Variants in CDK13 observed in about 807,000 individuals in gnomAD.
The protein encoded by CDK13 is cyclin dependent kinase 13.
CDK13 carries 40 observed loss-of-function variants against 137.6 expected under a neutral mutation model. The observed-to-expected ratio is 0.29, with a 90% confidence interval of 0.23 to 0.38. The LOEUF is 0.38. Among genes scored for constraint, CDK13 ranks in the 10% least tolerant of loss-of-function variants. The pLI, the probability that CDK13 is intolerant of heterozygous loss-of-function variation, is 1.00. For synonymous variants in CDK13, 869 were observed against 760.1 expected (o/e 1.14, Z -2.36); for missense variants, 1,704 against 1,951.8 (o/e 0.87, Z 2.39).
At chr7:40,051,974 G>A (rs10277853) in intron 7 of CDK13, among the ~76,000 whole-genome samples, 40,511 of 151,928 alleles carry the variant, frequency 0.27, 6,522 homozygotes, top group Middle Eastern at 0.45. Context: ...TTTAGTATAT[G>A]GTTTTTTAAG....
intron 5 of CDK13, among the ~76,000 whole-genome samples, chr7:40,020,084 T>A (rs528581518): frequency 6.6e-6 from 1 of 152,314 alleles, no homozygotes; most frequent in East Asian, 1.9e-4. Context: ...TTTATTTTTT[T>A]TGAGACCGGG....
chr7:40,024,114 C>G (rs1327410780), intron 5 of CDK13, among the ~76,000 whole-genome samples: 5 of 152,178 alleles, frequency 3.3e-5, no homozygotes, highest in Non-Finnish European at 7.3e-5. Flanking sequence ...AGTAATATTT[C>G]TCTTTCCTAC....
intron 5 of CDK13, among the ~76,000 whole-genome samples, chr7:40,040,439 T>G (rs1332148568): frequency 2.6e-5 from 4 of 152,252 alleles, no homozygotes; most frequent in Admixed American, 2.6e-4. Context: ...TATACTGGTT[T>G]AATATCTGAT....
intron 5 of CDK13, among the ~76,000 whole-genome samples, chr7:40,029,790 C>T (rs561768058): frequency 6.6e-6 from 1 of 152,028 alleles, no homozygotes; most frequent in Non-Finnish European, 1.5e-5. Flanking sequence ...GTAGCTGGGA[C>T]TACAGGCTTG....
intron 4 of CDK13, among the ~76,000 whole-genome samples, chr7:40,001,372 C>T (rs1051383370): frequency 4.6e-5 from 7 of 151,982 alleles, no homozygotes; most frequent in African/African-American, 7.2e-5. Context: ...AGGTTACAGG[C>T]GCCCAGCTAA....
At chr7:39,994,572 G>A (rs1373032308) in intron 2 of CDK13, among the ~76,000 whole-genome samples, 3 of 152,138 alleles carry the variant, frequency 2.0e-5, no homozygotes, top group Admixed American at 1.3e-4. Flanking sequence ...TTAGTGATGC[G>A]TAAATGGCTC....
chr7:40,055,277 T>C (rs1310885892), intron 7 of CDK13, among the ~76,000 whole-genome samples: 1 of 152,108 alleles, frequency 6.6e-6, no homozygotes. Flanking sequence ...TTTAGATTTT[T>C]CTTTTTTGTA....
In CDK13 at chr7:40,063,023, C is replaced by G; in HGVS notation, c.2703C>G (p.Gly901=). The G allele has an allele frequency of 1.9e-6, 3 of 1,613,222 alleles. No individual in the cohort carries two copies. The highest frequency in any genetic ancestry group is 2.5e-6 in the Non-Finnish European group (3 of 1,179,308). ...YTPAIDVWSC[G]CILGELFTKK... ...TAATGACGGGTATTTTTTCCATTAG[C>G]TGTATCCTTGGCGAACTCTTCACTA... Residue 901 remains glycine (G), a splice_region_variant and synonymous_variant, in exon 9 of 14, where the codon GGC becomes GGG. Coordinates refer to ENST00000181839, the MANE Select transcript of CDK13 (RefSeq NM_003718.5).
intron 1 of CDK13, chr7:39,986,036 G>T (rs540843227): frequency 1.1e-4 from 16 of 152,366 alleles, no homozygotes; most frequent in African/African-American, 3.8e-4. Flanking sequence ...ATATCTGTTG[G>T]GGTCAGCATC....
chr7:40,098,731 T>A lies in CDK13; in HGVS notation c.*3751T>A, dbSNP rs1387157279. On this transcript the variant is annotated 3_prime_UTR_variant, in exon 14 of 14. Coordinates refer to ENST00000181839, the MANE Select transcript of CDK13 (RefSeq NM_003718.5). ...CATACCTAAATTCTGCAGTAAATACTTAACTTTTTAATAGGGAAATTGCTT... is the reference window on the plus strand; with the variant it reads ...CATACCTAAATTCTGCAGTAAATACATAACTTTTTAATAGGGAAATTGCTT... 6.6e-6 allele frequency: 1 copy of A among 152,118 alleles called. No homozygotes were observed. The highest frequency in any genetic ancestry group is 1.5e-5 in the Non-Finnish European group (1 of 67,976). 9.4% of individuals were successfully genotyped at this position (152,118 alleles called of 1,614,324 possible). A position where few individuals can be genotyped will look rare whatever the true frequency, so the allele number is the denominator to read the frequency against.
chr7:40,079,187 G>A (rs931702859), intron 11 of CDK13, among the ~76,000 whole-genome samples: 1 of 152,096 alleles, frequency 6.6e-6, no homozygotes, highest in Non-Finnish European at 1.5e-5. Context: ...TTGGGAGGCC[G>A]AGGTGGGCGG....
rs1784094359 is a variant in CDK13, at chr7:39,975,872, T to TTTAAGCAAGGACATGGCATAA, written c.1212-11725_1212-11705dup. ...ATGCAGTTGGAAACCACTACAGAGTTTTAAGCAAGGACATGGCATAATCCA... is the reference window on the plus strand; with the variant it reads ...ATGCAGTTGGAAACCACTACAGAGTTTTAAGCAAGGACATGGCATAATTAAGCAAGGACATGGCATAATCCA... On this transcript the variant is annotated intron_variant, in intron 1 of 13. Coordinates refer to ENST00000181839, the MANE Select transcript of CDK13 (RefSeq NM_003718.5). 2.0e-5 allele frequency among the ~76,000 whole-genome samples: 3 copies of TTTAAGCAAGGACATGGCATAA among 152,258 alleles called. No individual in the cohort carries two copies. In the South Asian group the frequency reaches 6.2e-4, roughly 32 times the overall value.
At chr7:39,977,083 G>T (rs1784127668) in intron 1 of CDK13, among the ~76,000 whole-genome samples, 1 of 152,134 alleles carries the variant, frequency 6.6e-6, no homozygotes, top group Non-Finnish European at 1.5e-5. Flanking sequence ...TGCTTGTTTG[G>T]ATTTGGCTTC....
intron 1 of CDK13, among the ~76,000 whole-genome samples, chr7:39,979,796 G>A (rs1180710430): frequency 6.6e-6 from 1 of 152,130 alleles, no homozygotes; most frequent in Non-Finnish European, 1.5e-5. Flanking sequence ...TAATCACAAG[G>A]ATTTTTATAA....
At chr7:40,007,584 C>T (rs1036179166) in intron 5 of CDK13, among the ~76,000 whole-genome samples, 3 of 152,058 alleles carry the variant, frequency 2.0e-5, no homozygotes, top group Non-Finnish European at 1.5e-5. Flanking sequence ...CGCCACCACA[C>T]CCAGCTAATT....
chr7:40,094,265 T>G lies in CDK13; in HGVS notation c.3824T>G (p.Leu1275Arg), dbSNP rs1256377603. The G allele has an allele frequency of 6.2e-7, 1 of 1,612,742 alleles. No individual in the cohort carries two copies. Among genetic ancestry groups the G allele is most frequent in the Admixed American group, 1.7e-5 (1 of 59,822 alleles). The change falls in exon 14 of 14, where the codon CTA (leucine) becomes CGA (arginine). Residue 1275 changes from leucine (L) to arginine (R), a missense_variant. By Grantham distance (102) the Leu-to-Arg change is moderately radical. Coordinates refer to ENST00000181839, the MANE Select transcript of CDK13 (RefSeq NM_003718.5). ...CCACCACCAGTCACTGAGGAAGATC[T>G]AGATTATCGGACAGAAAACCAGCAT... is the stretch of plus-strand genomic sequence containing the variant. ...PEPPPVTEED[L>R]DYRTENQHVP...
At chr7:39,996,996 G>A (rs957072816) in intron 2 of CDK13, among the ~76,000 whole-genome samples, 3 of 122,324 alleles carry the variant, frequency 2.5e-5, no homozygotes, top group Non-Finnish European at 4.8e-5. Context: ...AAAGAAAAAT[G>A]CTTTGCAAAA....
chr7:40,098,623 T>A lies in CDK13; in HGVS notation c.*3643T>A, dbSNP rs1227910598. Reference sequence around the variant, plus strand: ...AAATTATCCAGTCGGTCTTCTTACTTTACAACTAAGAAAAATAAGGCTTAG... The same window carrying A: ...AAATTATCCAGTCGGTCTTCTTACTATACAACTAAGAAAAATAAGGCTTAG... On this transcript the variant is annotated 3_prime_UTR_variant, in exon 14 of 14. Coordinates refer to ENST00000181839, the MANE Select transcript of CDK13 (RefSeq NM_003718.5). 1 of 151,992 alleles carries A rather than the reference T, an allele frequency of 6.6e-6. No individual in the cohort carries two copies. Among genetic ancestry groups the A allele is most frequent in the Non-Finnish European group, 1.5e-5 (1 of 67,952 alleles). The allele number at this position is 151,992 out of a possible 1,614,324, so 9.4% of individuals were successfully genotyped here.
intron 5 of CDK13, among the ~76,000 whole-genome samples, chr7:40,008,272 A>T (rs1234101547): frequency 6.6e-6 from 1 of 152,212 alleles, no homozygotes; most frequent in Non-Finnish European, 1.5e-5. Context: ...CTTTAACTGC[A>T]CTATTCATGT....
Sources: gnomAD v4.1 joint callset for allele counts (sites outside exome capture counted in the v4.1 genomes callset) on GRCh38, gnomAD v4.1.1 for gene constraint, MANE v1.5 for transcripts, NCBI Gene and HGNC (gene_info 2026-07-23, HGNC 2026-07-21) for gene names.